Variants in PCDH15 observed in about 807,000 individuals in gnomAD.
PCDH15 encodes the protein protocadherin-15.
In PCDH15, 129 loss-of-function variants were observed where a neutral mutation model predicts 178.5. The observed-to-expected ratio is 0.72, with a 90% confidence interval of 0.63 to 0.84. The LOEUF is 0.84. PCDH15 is among the 40% of genes least tolerant of loss of function. The pLI is 0.00. For missense variants in PCDH15, 2,230 were observed against 2,099.9 expected (o/e 1.06, Z -1.21); for synonymous variants, 800 against 732.0 (o/e 1.09, Z -1.50).
At chr10:54,326,349 G>A (rs938840102) in intron 7 of PCDH15, among the ~76,000 whole-genome samples, 1 of 152,072 alleles carries the variant, frequency 6.6e-6, no homozygotes, top group African/African-American at 2.4e-5. Flanking sequence ...AGATTAAAAA[G>A]TATGTGAATA....
intron 18 of PCDH15, among the ~76,000 whole-genome samples, chr10:54,051,900 G>A (rs2093783658): frequency 6.6e-6 from 1 of 151,984 alleles, no homozygotes; most frequent in South Asian, 2.1e-4. Flanking sequence ...GCCTGCTTCA[G>A]CTCCAGCCGT....
intron 3 of PCDH15, among the ~76,000 whole-genome samples, chr10:54,875,927 T>C (rs952047677): frequency 2.0e-5 from 3 of 152,114 alleles, no homozygotes; most frequent in African/African-American, 7.2e-5. Flanking sequence ...ACTAAACAAA[T>C]TTTCAATGTA....
At chr10:55,568,933 G>A (rs1388000337) in intron 2 of PCDH15, among the ~76,000 whole-genome samples, 1 of 151,988 alleles carries the variant, frequency 6.6e-6, no homozygotes, top group African/African-American at 2.4e-5. Flanking sequence ...GCAGCTGTGT[G>A]ATGCTAGTTG....
chr10:55,488,649 T>A (rs1017944964), intron 2 of PCDH15, among the ~76,000 whole-genome samples: 1 of 151,542 alleles, frequency 6.6e-6, no homozygotes, highest in African/African-American at 2.4e-5. Context: ...CAGAGCCAAT[T>A]AGGATAAAAG....
At chr10:54,205,390 T>A (rs530360819) in intron 10 of PCDH15, among the ~76,000 whole-genome samples, 11 of 152,086 alleles carry the variant, frequency 7.2e-5, no homozygotes, top group Non-Finnish European at 1.3e-4. Context: ...AAGGGAATTC[T>A]CTGTAGGATC....
chr10:55,237,144 T>C (rs1841404805), intron 1 of PCDH15, among the ~76,000 whole-genome samples: 1 of 152,136 alleles, frequency 6.6e-6, no homozygotes. Flanking sequence ...ATTAGAAAAG[T>C]TTAAAACTTT....
At chr10:54,286,978 T>A (rs2059068635) in intron 8 of PCDH15, among the ~76,000 whole-genome samples, 1 of 152,218 alleles carries the variant, frequency 6.6e-6, no homozygotes, top group Non-Finnish European at 1.5e-5. Flanking sequence ...TTGCTGTACT[T>A]ATTAAATGGT....
At chr10:54,684,311 G>A (rs1051133051) in intron 1 of PCDH15, among the ~76,000 whole-genome samples, 8 of 151,670 alleles carry the variant, frequency 5.3e-5, no homozygotes, top group Non-Finnish European at 1.2e-4. Flanking sequence ...TAGAATATTT[G>A]CTATGTACCT....
intron 2 of PCDH15, among the ~76,000 whole-genome samples, chr10:54,986,492 T>C (rs1012771577): frequency 6.6e-6 from 1 of 152,184 alleles, no homozygotes; most frequent in Non-Finnish European, 1.5e-5. Flanking sequence ...AAATCTGTAT[T>C]TGAATTATTT....
chr10:54,332,295 T>G (rs1939852741), intron 6 of PCDH15, among the ~76,000 whole-genome samples: 2 of 106,552 alleles, frequency 1.9e-5, no homozygotes, highest in Non-Finnish European at 3.9e-5. Context: ...TAATCTATAT[T>G]ACATATTATT....
intron 3 of PCDH15, among the ~76,000 whole-genome samples, chr10:54,407,376 C>A (rs1366618539): frequency 6.6e-6 from 1 of 151,840 alleles, no homozygotes; most frequent in African/African-American, 2.4e-5. Flanking sequence ...CCTCAAATAT[C>A]CATAAATATA....
chr10:54,101,345 T>C (rs2094808240), intron 15 of PCDH15, among the ~76,000 whole-genome samples: 1 of 152,104 alleles, frequency 6.6e-6, no homozygotes, highest in Non-Finnish European at 1.5e-5. Flanking sequence ...ACTAATACAT[T>C]GGTCAACTAT....
intron 1 of PCDH15, among the ~76,000 whole-genome samples, chr10:54,686,774 G>A (rs1555149174): frequency 6.6e-6 from 1 of 151,990 alleles, no homozygotes; most frequent in Non-Finnish European, 1.5e-5. Context: ...TTGTACAAGT[G>A]GTACTATATC....
intron 4 of PCDH15, among the ~76,000 whole-genome samples, chr10:54,376,085 G>A (rs763094397): frequency 6.6e-6 from 1 of 150,896 alleles, no homozygotes; most frequent in Non-Finnish European, 1.5e-5. Context: ...AGTACAGACG[G>A]GTTTTCACCG....
chr10:55,454,558 A>T lies in PCDH15; in HGVS notation c.-156+173067T>A, dbSNP rs552803488. On this transcript the variant is annotated intron_variant, in intron 2 of 5. Transcript: ENST00000613346. The stretch of plus-strand genomic sequence containing the variant: ...TTTGGGAGGCTGAGGTGGGCGGATC[A>T]TGAGATCAGGAGATCGAGATCATCC... 5.9e-5 allele frequency among the ~76,000 whole-genome samples: 9 copies of T among 151,610 alleles called. No homozygotes were observed. In the East Asian group the frequency reaches 1.8e-3, roughly 30 times the overall value.
intron 2 of PCDH15, among the ~76,000 whole-genome samples, chr10:54,598,282 C>A (rs1352203001): frequency 6.6e-6 from 1 of 151,910 alleles, no homozygotes; most frequent in Non-Finnish European, 1.5e-5. Context: ...CCACCACAAT[C>A]AATATTCTTT....
intron 2 of PCDH15, among the ~76,000 whole-genome samples, chr10:55,593,624 T>G (rs1379195020): frequency 6.6e-6 from 1 of 151,872 alleles, no homozygotes; most frequent in African/African-American, 2.4e-5. Context: ...TTAAGATTAA[T>G]TACTGTTTTA....
chr10:54,494,027 A>T (rs1274588127), intron 3 of PCDH15, among the ~76,000 whole-genome samples: 149 of 134,178 alleles, frequency 1.1e-3, no homozygotes, highest in Admixed American at 1.6e-3. Flanking sequence ...ATAGGTGGGA[A>T]TTGAACAATG....
rs183466313 is a variant in PCDH15 at position 54,665,629 on chromosome 10, T to A, written c.-28-1339A>T. Among the ~76,000 whole-genome samples, 52 of 152,194 alleles carry A rather than the reference T, an allele frequency of 3.4e-4. No individual in the cohort carries two copies. In the East Asian group the frequency reaches 6.0e-3, roughly 18 times the overall value. On this transcript the variant is annotated intron_variant, in intron 1 of 37. Coordinates refer to ENST00000644397, the MANE Select transcript of PCDH15 (RefSeq NM_001384140.1). ...TTGTATTAAAGGTGTAAGCTCTTTT[T>A]TTAAACTAATGGGATACACAGTTCT...
Sources: gnomAD v4.1 joint callset for allele counts (sites outside exome capture counted in the v4.1 genomes callset) on GRCh38, gnomAD v4.1.1 for gene constraint, MANE v1.5 for transcripts, NCBI Gene and HGNC (gene_info 2026-07-23, HGNC 2026-07-21) for gene names.